Variants in GNA13 observed in about 807,000 individuals in gnomAD.
GNA13 encodes the protein G protein subunit alpha 13.
A neutral mutation model predicts 33.5 loss-of-function variants in GNA13; 4 were observed. The ratio of observed to expected loss-of-function variants is 0.12; its 90% confidence interval spans 0.06 to 0.27. The LOEUF is 0.27. Ranked by LOEUF, GNA13 falls within the 10% of genes least tolerant of loss-of-function variation. GNA13 has a pLI of 1.00. For missense variants in GNA13, 319 were observed against 487.2 expected, an observed-to-expected ratio of 0.65 and a Z score of 3.25; for synonymous variants, 176 against 183.8, an observed-to-expected ratio of 0.96 and a Z score of 0.34.
rs1191049630 is a variant in GNA13, at chr17:65,014,217, AAAAC to A, written c.*36_*39del. ...AAAACAAAACAAACAGAAAACATCA[AAAAC>A]ACAAAAAGATATTAAAACAGCAAGT... On this transcript the variant is annotated 3_prime_UTR_variant, in exon 4 of 4. Coordinates refer to ENST00000439174, the MANE Select transcript of GNA13 (RefSeq NM_006572.6). This position sits in a 1 kb window ranked among gnomAD's most constrained non-coding sequence, Gnocchi z 5.3. 8.2e-7 allele frequency: 1 copy of A among 1,216,438 alleles called. No homozygotes were observed. The highest frequency in any genetic ancestry group is 1.2e-6 in the Non-Finnish European group (1 of 844,590). 75.4% of individuals were successfully genotyped at this position (1,216,438 alleles called of 1,614,324 possible). A position where few individuals can be genotyped will look rare whatever the true frequency, so the allele number is the denominator to read the frequency against.
At position 65,010,298 on chromosome 17, in the gene GNA13, A is replaced by G. The variant is rs1046828576; in HGVS notation, c.*3959T>C. Among the ~76,000 whole-genome samples the G allele has an allele frequency of 2.0e-5, 3 of 152,102 alleles. No homozygotes were observed. Among genetic ancestry groups the G allele is most frequent in the Non-Finnish European group, 2.9e-5 (2 of 68,034 alleles). ...ACTTGATGGAACTTGAAAAAGCCAT[A>G]AAGTCCAACTTGTTTAAAATGTTCA... On this transcript the variant is annotated 3_prime_UTR_variant, in exon 4 of 4. Transcript: ENST00000439174.
At chr17:65,037,557 T>C (rs1907292628) in intron 2 of GNA13, among the ~76,000 whole-genome samples, 1 of 152,046 alleles carries the variant, frequency 6.6e-6, no homozygotes, top group Non-Finnish European at 1.5e-5. Context: ...GACATGTGCC[T>C]ACATTTCTCC....
At chr17:65,042,373 A>C (rs75324545) in intron 2 of GNA13, among the ~76,000 whole-genome samples, 2 of 151,146 alleles carry the variant, frequency 1.3e-5, no homozygotes, top group Admixed American at 1.3e-4. Flanking sequence ...AAAAAAAAAA[A>C]AGAAGAACCA....
At chr17:65,018,130 A>AGAGAAAG in intron 3 of GNA13, 123 bp downstream of exon 3, 1 of 222,240 alleles carries the variant, frequency 4.5e-6, no homozygotes, top group South Asian at 4.8e-5. Context: ...AAAAAAAAAA[A>AGAGAAAG]AAAAAAAAAG....
chr17:65,034,884 C>T (rs1907187422), intron 2 of GNA13, among the ~76,000 whole-genome samples: 1 of 151,978 alleles, frequency 6.6e-6, no homozygotes, highest in South Asian at 2.1e-4. Context: ...CTCCCTGGTT[C>T]AAGCGATTCT....
At chr17:65,028,689 C>G (rs1418887061) in intron 2 of GNA13, among the ~76,000 whole-genome samples, 1 of 152,066 alleles carries the variant, frequency 6.6e-6, no homozygotes, top group African/African-American at 2.4e-5. Context: ...AGCGCCACAA[C>G]CTTAAGCAAC....
At chr17:65,055,646 G>A (rs80034472) in intron 1 of GNA13, 2 of 985,208 alleles carry the variant, frequency 2.0e-6, no homozygotes, top group East Asian at 2.3e-4. Flanking sequence ...CATGCTAACT[G>A]TATGGGTCCA....
At chr17:65,025,150 G>A (rs900602760) in intron 2 of GNA13, among the ~76,000 whole-genome samples, 2 of 152,048 alleles carry the variant, frequency 1.3e-5, no homozygotes, top group Non-Finnish European at 2.9e-5. Flanking sequence ...CACCCACTTC[G>A]GCCTCCGGGA....
chr17:65,014,590 C>T lies in GNA13; in HGVS notation c.801G>A (p.Glu267=), dbSNP rs61754625. The T allele has an allele frequency of 2.5e-6, 4 of 1,613,942 alleles. No individual in the cohort carries two copies. The highest frequency in any genetic ancestry group is 3.4e-6 in the Non-Finnish European group (4 of 1,179,932). Residue 267 remains glutamate (E), a synonymous_variant, in exon 4 of 4, where the codon GAG becomes GAA. Transcript: ENST00000439174. This position sits in a 1 kb window ranked among gnomAD's most constrained non-coding sequence, Gnocchi z 5.3. ...MEDRLTNRLT[E]SLNIFETIVN... ...CGATTGTTTCAAAAATGTTCAGAGA[C>T]TCTGTAAGGCGATTGGTCAGTCGAT... is the stretch of plus-strand genomic sequence containing the variant.
At chr17:65,034,489 G>A (rs754804117) in intron 2 of GNA13, among the ~76,000 whole-genome samples, 2 of 151,784 alleles carry the variant, frequency 1.3e-5, no homozygotes, top group South Asian at 2.1e-4. Context: ...TAGTAGAGAC[G>A]GGGTTTCACC....
At chr17:65,022,200 TG>T (rs1906606807) in intron 2 of GNA13, among the ~76,000 whole-genome samples, 1 of 152,166 alleles carries the variant, frequency 6.6e-6, no homozygotes, top group Non-Finnish European at 1.5e-5. Flanking sequence ...AAAAATGCAC[TG>T]GAACACAGCC....
intron 2 of GNA13, among the ~76,000 whole-genome samples, chr17:65,042,061 G>GA (rs1390907236): frequency 6.6e-6 from 1 of 152,032 alleles, no homozygotes; most frequent in African/African-American, 2.4e-5. Flanking sequence ...AAGGTACTGT[G>GA]AAAAAATGAA....
At chr17:65,042,957 T>A (rs1907516138) in intron 2 of GNA13, among the ~76,000 whole-genome samples, 1 of 152,208 alleles carries the variant, frequency 6.6e-6, no homozygotes, top group Non-Finnish European at 1.5e-5. Context: ...ATTAGGAATA[T>A]TAATAACTAA....
chr17:65,051,291 A>T (rs1168941275), intron 2 of GNA13, among the ~76,000 whole-genome samples: 1 of 152,204 alleles, frequency 6.6e-6, no homozygotes, highest in African/African-American at 2.4e-5. Context: ...AAATGAACTA[A>T]GAAGAAAGGA....
chr17:65,042,889 C>A (rs948923918), intron 2 of GNA13, among the ~76,000 whole-genome samples: 4 of 152,174 alleles, frequency 2.6e-5, no homozygotes, highest in African/African-American at 9.6e-5. Flanking sequence ...GAGAGTAAAT[C>A]AAATCAAAGT....
chr17:65,035,925 G>A (rs367826653), intron 2 of GNA13, among the ~76,000 whole-genome samples: 10 of 152,270 alleles, frequency 6.6e-5, no homozygotes, highest in East Asian at 3.9e-4. Context: ...CTATTAGAGC[G>A]CTTCATAATA....
chr17:65,014,389 G>T lies in GNA13; in HGVS notation c.1002C>A (p.Arg334=). Residue 334 remains arginine, a synonymous_variant, in exon 4 of 4, where the codon CGC becomes CGA. Coordinates refer to ENST00000439174, the MANE Select transcript of GNA13 (RefSeq NM_006572.6). This position sits in a 1 kb window ranked among gnomAD's most constrained non-coding sequence, Gnocchi z 5.3. Reference sequence around the variant, plus strand: ...ATAAGGGCTTCTGTTGCTGGTCCCGGCGTTTGTTCCGGAAACATTCCACCA... The same window carrying T: ...ATAAGGGCTTCTGTTGCTGGTCCCGTCGTTTGTTCCGGAAACATTCCACCA... ...KFLVECFRNK[R]RDQQQKPLYH... 5.0e-6 allele frequency: 8 copies of T among 1,614,074 alleles called. No homozygotes were observed. The highest frequency in any genetic ancestry group is 6.8e-6 in the Non-Finnish European group (8 of 1,179,980).
rs1253262502 is a variant in GNA13 at position 65,012,457 on chromosome 17, G to A, written c.*1800C>T. The A allele has an allele frequency of 9.1e-6, 2 of 220,216 alleles. No homozygotes were observed. The highest frequency in any genetic ancestry group is 1.8e-5 in the Non-Finnish European group (2 of 109,850). The allele number at this position is 220,216 out of a possible 1,614,324, so 13.6% of individuals were successfully genotyped here. A position where few individuals can be genotyped will look rare whatever the true frequency, so the allele number is the denominator to read the frequency against. ...TAGAACTATTCAAACACGCATGAAT[G>A]ATACCATGATACCACGAACATGCAC... On this transcript the variant is annotated 3_prime_UTR_variant, in exon 4 of 4. Coordinates refer to ENST00000439174, the MANE Select transcript of GNA13 (RefSeq NM_006572.6).
chr17:65,032,977 G>A (rs1248168156), intron 2 of GNA13, among the ~76,000 whole-genome samples: 2 of 152,064 alleles, frequency 1.3e-5, no homozygotes, highest in African/African-American at 4.8e-5. Context: ...CGGGCGTGGT[G>A]GCTGGCACCT....
Sources: allele counts gnomAD v4.1 joint callset (sites outside exome capture counted in the v4.1 genomes callset), GRCh38; gene constraint gnomAD v4.1.1; non-coding constraint Gnocchi (gnomAD v3.1); transcripts MANE v1.5; gene names NCBI Gene and HGNC (gene_info 2026-07-23, HGNC 2026-07-21).